The following ALK variants were observed in gnomAD, a reference collection of about 807,000 sequenced individuals.
The protein encoded by ALK is ALK receptor tyrosine kinase.
In ALK, 74 loss-of-function variants were observed where a neutral mutation model predicts 163.1. The ratio of observed to expected loss-of-function variants is 0.45; its 90% CI spans 0.38 to 0.55. The LOEUF is 0.55. ALK is among the 20% of genes least tolerant of loss of function. The probability of loss-of-function intolerance (pLI) is 0.00; values close to 1 mark genes in which losing one functional copy is unlikely to be tolerated. For synonymous variants in ALK, 960 were observed against 843.2 expected, an observed-to-expected ratio of 1.14 and a Z score of -2.40; for missense variants, 2,063 against 2,105.3, an observed-to-expected ratio of 0.98 and a Z score of 0.39.
At chr2:29,405,150 C>T (rs1359788421) in intron 4 of ALK, among the ~76,000 whole-genome samples, 1 of 152,152 alleles carries the variant, frequency 6.6e-6, no homozygotes, top group African/African-American at 2.4e-5. Flanking sequence ...TAAGCATCTG[C>T]CACCCTACAC....
At chr2:29,461,504 G>C (rs1344739629) in intron 4 of ALK, among the ~76,000 whole-genome samples, 2 of 152,162 alleles carry the variant, frequency 1.3e-5, no homozygotes, top group Non-Finnish European at 2.9e-5. Context: ...TTACCATTCT[G>C]AAAATTGTGG....
At chr2:29,201,749 T>C (rs934426793) in intron 26 of ALK, among the ~76,000 whole-genome samples, 1 of 150,408 alleles carries the variant, frequency 6.6e-6, no homozygotes, top group Non-Finnish European at 1.5e-5. Flanking sequence ...ATGGCGCCAC[T>C]GTACTCCAGC....
At chr2:29,602,594 A>G (rs932563089) in intron 3 of ALK, among the ~76,000 whole-genome samples, 13 of 152,150 alleles carry the variant, frequency 8.5e-5, no homozygotes, top group African/African-American at 2.9e-4. Context: ...ACAATGCCTG[A>G]CTACCAGACA....
chr2:29,308,253 C>T (rs559853772), intron 8 of ALK, among the ~76,000 whole-genome samples: 1 of 152,240 alleles, frequency 6.6e-6, no homozygotes, highest in African/African-American at 2.4e-5. Context: ...TAAACCCTTT[C>T]TCTATAGCAA....
At chr2:29,353,736 A>G (rs1345978048) in intron 5 of ALK, among the ~76,000 whole-genome samples, 1 of 151,988 alleles carries the variant, frequency 6.6e-6, no homozygotes, top group African/African-American at 2.4e-5. Context: ...AAAAAAAAAA[A>G]GCATTTATTG....
intron 1 of ALK, among the ~76,000 whole-genome samples, chr2:29,723,074 C>T (rs149387623): frequency 3.3e-5 from 5 of 152,284 alleles, no homozygotes; most frequent in African/African-American, 2.4e-5. Flanking sequence ...CTCTATGTGG[C>T]AGTTAGATTG....
At chr2:29,402,856 T>G (rs974774055) in intron 4 of ALK, among the ~76,000 whole-genome samples, 1 of 152,176 alleles carries the variant, frequency 6.6e-6, no homozygotes, top group African/African-American at 2.4e-5. Context: ...TGTTCACATG[T>G]GATCACCACA....
chr2:29,325,046 G>A (rs962836069), intron 6 of ALK, among the ~76,000 whole-genome samples: 2 of 152,172 alleles, frequency 1.3e-5, no homozygotes, highest in African/African-American at 4.8e-5. Flanking sequence ...CATGTGCGGA[G>A]GACTCCCTCT....
At chr2:29,556,549 A>G (rs1203986245) in intron 3 of ALK, among the ~76,000 whole-genome samples, 1 of 152,172 alleles carries the variant, frequency 6.6e-6, no homozygotes. Flanking sequence ...TAAGGACTTG[A>G]ATGGTGGCAG....
intron 3 of ALK, among the ~76,000 whole-genome samples, chr2:29,621,069 C>T (rs1676022090): frequency 6.6e-6 from 1 of 152,130 alleles, no homozygotes; most frequent in African/African-American, 2.4e-5. Context: ...GGAAATGAGG[C>T]TTTGGCTGCC....
chr2:29,576,702 T>C (rs1193599806), intron 3 of ALK, among the ~76,000 whole-genome samples: 3 of 152,130 alleles, frequency 2.0e-5, no homozygotes, highest in Non-Finnish European at 4.4e-5. Flanking sequence ...CCAGTCCCCA[T>C]TGCTCACATC....
Position 29,443,361 on chromosome 2 carries a change from A to G in ALK, c.1155-59502T>C, listed in dbSNP as rs933359091. ...AGGCAAAGAGCCAGAAAATTAGCTT[A>G]AAAGCAGCTTAGAGATGGGAGGCGG... On this transcript the variant is annotated intron_variant, in intron 4 of 28. Transcript: ENST00000389048. Among the ~76,000 whole-genome samples, 4 of 152,222 alleles carry G rather than the reference A, an allele frequency of 2.6e-5. No individual in the cohort carries two copies. In the East Asian group the frequency reaches 7.7e-4, roughly 29 times the overall value.
intron 3 of ALK, among the ~76,000 whole-genome samples, chr2:29,616,690 T>C (rs919029695): frequency 2.6e-5 from 4 of 152,138 alleles, no homozygotes; most frequent in Admixed American, 2.6e-4. Context: ...ATCAGACTCC[T>C]CCTAACTCTG....
chr2:29,347,655 G>T (rs1037621383), intron 5 of ALK, among the ~76,000 whole-genome samples: 1 of 152,144 alleles, frequency 6.6e-6, no homozygotes, highest in Admixed American at 6.5e-5. Context: ...TAAGATGCAG[G>T]GAATACTTGG....
intron 3 of ALK, among the ~76,000 whole-genome samples, chr2:29,540,721 A>G (rs1489766247): frequency 6.6e-6 from 1 of 152,006 alleles, no homozygotes; most frequent in African/African-American, 2.4e-5. Context: ...TCTTGGCTAC[A>G]AGTCTCCAAA....
At chr2:29,200,798 C>CAT (rs35516034) in intron 26 of ALK, among the ~76,000 whole-genome samples, 2 of 80,366 alleles carry the variant, frequency 2.5e-5, no homozygotes, top group South Asian at 3.2e-4. Flanking sequence ...TACATGTATA[C>CAT]ATATATATGT....
At chr2:29,600,872 A>G (rs72862810) in intron 3 of ALK, among the ~76,000 whole-genome samples, 2,197 of 152,286 alleles carry the variant, frequency 0.014, 57 homozygotes, top group African/African-American at 0.051. Context: ...AACTTGGAGG[A>G]CCATGAAAGG....
chr2:29,238,472 C>G lies in ALK; in HGVS notation c.2355+1208G>C, dbSNP rs550672114. Reference sequence around the variant, plus strand: ...TTGGCCTTCCAACTTGCTGGGATTACAGGCATGAACCACCGCACCCGGCCC... The same window carrying G: ...TTGGCCTTCCAACTTGCTGGGATTAGAGGCATGAACCACCGCACCCGGCCC... On this transcript the variant is annotated intron_variant, in intron 13 of 28. Transcript: ENST00000389048. Among the ~76,000 whole-genome samples the G allele has an allele frequency of 6.6e-5, 10 of 152,298 alleles. No homozygotes were observed. In the South Asian group the frequency reaches 8.3e-4, roughly 13 times the overall value.
chr2:29,741,610 T>C (rs531180703), intron 1 of ALK, among the ~76,000 whole-genome samples: 35 of 152,336 alleles, frequency 2.3e-4, no homozygotes, highest in African/African-American at 8.2e-4. Flanking sequence ...TGCTTGGTTA[T>C]TGAAGTGAAC....
Sources: allele counts gnomAD v4.1 joint callset (sites outside exome capture counted in the v4.1 genomes callset), GRCh38; gene constraint gnomAD v4.1.1; transcripts MANE v1.5; gene names NCBI Gene and HGNC (gene_info 2026-07-23, HGNC 2026-07-21).